Variants in WWC1 observed in about 807,000 individuals in gnomAD.
The protein encoded by WWC1 is WW and C2 domain containing 1.
WWC1 carries 55 observed loss-of-function variants against 138.4 expected under a neutral mutation model. The observed-to-expected ratio is 0.40, with a 90% CI of 0.32 to 0.50. The LOEUF is 0.50. WWC1 is among the 20% of genes least tolerant of loss of function. The pLI is 0.72. For synonymous variants in WWC1, 524 were observed against 564.9 expected (o/e 0.93, Z 1.03); for missense variants, 1,226 against 1,420.4 (o/e 0.86, Z 2.20).
In WWC1 at chr5:168,441,819, A is replaced by G. The variant is rs1324910173; in HGVS notation, c.2418A>G (p.Ser806=). The change falls in exon 16 of 23, where the codon TCA becomes TCG. Residue 806 remains serine (S), a synonymous_variant. Transcript: ENST00000265293. ...LKPVGVMAPA[S]GPASTDAVSA... The stretch of plus-strand genomic sequence containing the variant: ...CAGTGGGAGTCATGGCCCCTGCCTC[A>G]GGGCCTGCCAGCACGGTGAGCTGGG... 6.2e-7 allele frequency: 1 copy of G among 1,613,812 alleles called. No individual in the cohort carries two copies. Among genetic ancestry groups the G allele is most frequent in the Admixed American group, 1.7e-5 (1 of 60,016 alleles).
intron 2 of WWC1, among the ~76,000 whole-genome samples, chr5:168,372,157 G>A (rs6555806): frequency 0.93 from 140,935 of 151,760 alleles, 65,639 homozygotes; most frequent in East Asian, 1. Context: ...ATCCCAATCC[G>A]TTACAAAGAT....
chr5:168,388,740 G>A (rs560645715), intron 3 of WWC1, among the ~76,000 whole-genome samples: 186 of 151,986 alleles, frequency 1.2e-3, no homozygotes, highest in African/African-American at 4.3e-3. Context: ...TGAGGCAGGA[G>A]AATTGCCTGA....
chr5:168,433,080 C>G (rs1262887341), intron 15 of WWC1, among the ~76,000 whole-genome samples: 2 of 152,276 alleles, frequency 1.3e-5, no homozygotes, highest in Admixed American at 6.5e-5. Flanking sequence ...CAGCCTTGCC[C>G]TTCCAGCTGT....
At chr5:168,453,079 G>A (rs1385571258) in intron 17 of WWC1, among the ~76,000 whole-genome samples, 1 of 152,152 alleles carries the variant, frequency 6.6e-6, no homozygotes, top group Admixed American at 6.5e-5. Context: ...AGGATAATTA[G>A]CCAGGTGTGG....
At chr5:168,299,750 G>A (rs921351356) in intron 1 of WWC1, among the ~76,000 whole-genome samples, 3 of 152,240 alleles carry the variant, frequency 2.0e-5, no homozygotes, top group African/African-American at 7.2e-5. Flanking sequence ...GAGAAACAGG[G>A]CTAGAATAAG....
chr5:168,363,176 GA>G (rs1453720796), intron 1 of WWC1, among the ~76,000 whole-genome samples: 1 of 152,072 alleles, frequency 6.6e-6, no homozygotes, highest in African/African-American at 2.4e-5. Flanking sequence ...CAGATTTTGA[GA>G]ACCAAATCCA....
At chr5:168,338,824 A>T (rs1773729637) in intron 1 of WWC1, among the ~76,000 whole-genome samples, 1 of 152,212 alleles carries the variant, frequency 6.6e-6, no homozygotes. Flanking sequence ...GGGATTCTAA[A>T]AGCTGCAAAG....
intron 1 of WWC1, among the ~76,000 whole-genome samples, chr5:168,363,704 T>C (rs1235878174): frequency 1.3e-5 from 2 of 152,074 alleles, no homozygotes; most frequent in African/African-American, 4.8e-5. Context: ...CCAATGTAGA[T>C]TGAACCCTGA....
intron 1 of WWC1, among the ~76,000 whole-genome samples, chr5:168,303,302 A>C (rs1259089647): frequency 6.6e-6 from 1 of 152,228 alleles, no homozygotes; most frequent in Admixed American, 6.5e-5. Flanking sequence ...TCATTAAGAA[A>C]TAAGGCACAG....
rs756936829 is a variant in WWC1, at chr5:168,322,276, C to CA, written c.119+30019dup. On this transcript the variant is annotated intron_variant, in intron 1 of 22. Transcript: ENST00000265293. Reference sequence around the variant, plus strand: ...AATTTTGAAGGGAGATTGGAAAATACAAAAAAAAAAAAAAGTTTAAGAACT... The same window carrying CA: ...AATTTTGAAGGGAGATTGGAAAATACAAAAAAAAAAAAAAAGTTTAAGAACT... Among the ~76,000 whole-genome samples, 1,107 of 125,500 alleles carry CA rather than the reference C, an allele frequency of 8.8e-3. 8 individuals are homozygous for CA. Among genetic ancestry groups the CA allele is most frequent in the African/African-American group, 0.024 (882 of 36,434 alleles). 82.3% of individuals were successfully genotyped at this position (125,500 alleles called of 152,430 possible).
chr5:168,462,293 C>T (rs1213425600), intron 20 of WWC1, among the ~76,000 whole-genome samples: 7 of 152,184 alleles, frequency 4.6e-5, no homozygotes, highest in Non-Finnish European at 8.8e-5. Flanking sequence ...GCAGAGTGTG[C>T]GGGTGTGGGA....
chr5:168,365,817 TAAG>T (rs1053752433), intron 1 of WWC1, among the ~76,000 whole-genome samples: 4 of 152,234 alleles, frequency 2.6e-5, no homozygotes, highest in African/African-American at 9.6e-5. Context: ...GATTTGTAAT[TAAG>T]AAGAGGCAGA....
intron 20 of WWC1, among the ~76,000 whole-genome samples, chr5:168,462,487 C>T (rs922916824): frequency 1.3e-5 from 2 of 152,176 alleles, no homozygotes; most frequent in Admixed American, 6.5e-5. Context: ...AGGCAGCTGG[C>T]GTGGGCCCTG....
At chr5:168,426,087 C>A (rs1357032556) in intron 11 of WWC1, among the ~76,000 whole-genome samples, 2 of 152,134 alleles carry the variant, frequency 1.3e-5, no homozygotes, top group Non-Finnish European at 2.9e-5. Flanking sequence ...GTACAAGGGC[C>A]AGTGGGAGCA....
chr5:168,372,546 G>T (rs1376512250), intron 2 of WWC1, among the ~76,000 whole-genome samples: 1 of 152,218 alleles, frequency 6.6e-6, no homozygotes. Context: ...CGTGTCCTGT[G>T]CTGAGGACTT....
intron 1 of WWC1, among the ~76,000 whole-genome samples, chr5:168,322,276 CAAA>C: frequency 8.0e-6 from 1 of 125,674 alleles, no homozygotes; most frequent in South Asian, 2.6e-4. Flanking sequence ...TTGGAAAATA[CAAA>C]AAAAAAAAAA....
chr5:168,439,467 A>G (rs1339050743), intron 15 of WWC1, among the ~76,000 whole-genome samples: 1 of 84,590 alleles, frequency 1.2e-5, no homozygotes, highest in East Asian at 1.7e-3. Context: ...TCTACTAAAA[A>G]TACAAAAAAA....
rs1057099148 is a variant in WWC1 at position 168,292,214 on chromosome 5, A to G, written c.62A>G (p.Lys21Arg). Reference protein sequence around the residue: ...GWEEARDFDGKVYYIDHTNRT... With the variant: ...GWEEARDFDGRVYYIDHTNRT... ...GAGGAGGCGCGCGACTTCGACGGCAAGGTCTACTACATAGACCACACGAAC... is the reference window on the plus strand; with the variant it reads ...GAGGAGGCGCGCGACTTCGACGGCAGGGTCTACTACATAGACCACACGAAC... The change falls in exon 1 of 23, where the codon AAG (lysine) becomes AGG (arginine). Residue 21 changes from lysine to arginine, a missense_variant. Lys to Arg is a conservative substitution (Grantham distance 26). Transcript: ENST00000265293. This position sits in a 1 kb window ranked among gnomAD's most constrained non-coding sequence, Gnocchi z 4.4. The G allele has an allele frequency of 1.3e-6, 2 of 1,577,332 alleles. No individual in the cohort carries two copies. Among genetic ancestry groups the G allele is most frequent in the Non-Finnish European group, 1.7e-6 (2 of 1,162,164 alleles).
intron 7 of WWC1, 47 bp downstream of exon 7, chr5:168,408,700 C>T: frequency 6.2e-7 from 1 of 1,606,146 alleles, no homozygotes; most frequent in East Asian, 2.2e-5. Context: ...AGGATGGCAG[C>T]TGGGAGGCTG....
Sources: allele counts gnomAD v4.1 joint callset (sites outside exome capture counted in the v4.1 genomes callset), GRCh38; gene constraint gnomAD v4.1.1; non-coding constraint Gnocchi (gnomAD v3.1); transcripts MANE v1.5; gene names NCBI Gene and HGNC (gene_info 2026-07-23, HGNC 2026-07-21).